Variants in STRBP observed in about 807,000 individuals in gnomAD.
The protein encoded by STRBP is spermatid perinuclear RNA binding protein.
A neutral mutation model predicts 80.1 loss-of-function variants in STRBP; 13 were observed. The ratio of observed to expected loss-of-function variants is 0.16; its 90% CI spans 0.11 to 0.26. STRBP has a LOEUF of 0.26. Ranked by LOEUF, STRBP falls within the 10% of genes least tolerant of loss-of-function variation. The pLI, the probability that STRBP is intolerant of heterozygous loss-of-function variation, is 1.00. For synonymous variants in STRBP, 284 were observed against 291.2 expected, an observed-to-expected ratio of 0.98 and a Z score of 0.25; for missense variants, 485 against 815.2, an observed-to-expected ratio of 0.59 and a Z score of 4.93.
At chr9:123,213,606 G>A (rs1428552543) in intron 2 of STRBP, 1 of 152,236 alleles carries the variant, frequency 6.6e-6, no homozygotes. Flanking sequence ...CAAGCAGCTA[G>A]TCTGCGACAG....
intron 13 of STRBP, among the ~76,000 whole-genome samples, chr9:123,146,282 T>A (rs554689916): frequency 8.6e-5 from 13 of 151,884 alleles, no homozygotes; most frequent in African/African-American, 3.1e-4. Context: ...TTATTCCCGA[T>A]GGAAATATTC....
intron 17 of STRBP, among the ~76,000 whole-genome samples, chr9:123,130,469 T>C (rs2036089297): frequency 1.3e-5 from 2 of 152,118 alleles, no homozygotes; most frequent in Admixed American, 1.3e-4. Context: ...GTTCCTTTCA[T>C]GATTACTGCC....
At chr9:123,266,842 T>G (rs1394144148) in intron 1 of STRBP, among the ~76,000 whole-genome samples, 1 of 151,860 alleles carries the variant, frequency 6.6e-6, no homozygotes, top group Non-Finnish European at 1.5e-5. Flanking sequence ...TACCCCAAAA[T>G]AGCCTGTCTA....
intron 2 of STRBP, among the ~76,000 whole-genome samples, chr9:123,223,188 C>G (rs1367614442): frequency 6.6e-6 from 1 of 151,890 alleles, no homozygotes; most frequent in African/African-American, 2.4e-5. Context: ...ATAAAAATAT[C>G]AATAGTTGCC....
chr9:123,224,065 C>CA (rs1204710514), intron 2 of STRBP, among the ~76,000 whole-genome samples: 4 of 152,080 alleles, frequency 2.6e-5, no homozygotes, highest in African/African-American at 9.7e-5. Flanking sequence ...CCGAGTTCCA[C>CA]AAAATTCAAA....
At chr9:123,200,570 CTT>C (rs1225601723) in intron 2 of STRBP, among the ~76,000 whole-genome samples, 5 of 134,472 alleles carry the variant, frequency 3.7e-5, no homozygotes, top group Non-Finnish European at 3.2e-5. Flanking sequence ...ATTTTTTTGT[CTT>C]TTTTTTTTTT....
At position 123,158,555 on chromosome 9, in the gene STRBP, A is replaced by T. The variant is rs2037390325; in HGVS notation, c.836-126T>A. On this transcript the variant is annotated intron_variant, in intron 9 of 18. Coordinates refer to ENST00000348403, the MANE Select transcript of STRBP (RefSeq NM_018387.5). The stretch of plus-strand genomic sequence containing the variant: ...AAAAAAAAACTGAGGAACTAAGTTA[A>T]AAGTCTGCTCAGTTAAGTGGAGTAA... The T allele has an allele frequency of 1.0e-5, 8 of 773,744 alleles. No homozygotes were observed. In the South Asian group the frequency reaches 1.4e-4, roughly 14 times the overall value. 47.9% of individuals were successfully genotyped at this position (773,744 alleles called of 1,614,324 possible). A position where few individuals can be genotyped will look rare whatever the true frequency, so the allele number is the denominator to read the frequency against.
intron 6 of STRBP, 31 bp downstream of exon 6, chr9:123,169,871 T>C (rs12380376): frequency 1.0e-6 from 1 of 978,246 alleles, no homozygotes; most frequent in Non-Finnish European, 1.3e-6. Context: ...AACAAATATA[T>C]ACATATATAT....
chr9:123,161,922 T>G, intron 6 of STRBP, among the ~76,000 whole-genome samples: 1 of 152,242 alleles, frequency 6.6e-6, no homozygotes, highest in East Asian at 1.9e-4. Flanking sequence ...TTTAAACTTT[T>G]GGGATTGGTA....
chr9:123,235,508 GA>G (rs200275946), intron 2 of STRBP, among the ~76,000 whole-genome samples: 33,077 of 76,950 alleles, frequency 0.43, 6,631 homozygotes, highest in East Asian at 0.72. Flanking sequence ...GCAACTTCAG[GA>G]AAAAAAAAAA....
At chr9:123,257,206 T>G (rs927484802) in intron 1 of STRBP, among the ~76,000 whole-genome samples, 5 of 152,128 alleles carry the variant, frequency 3.3e-5, no homozygotes, top group Non-Finnish European at 7.4e-5. Flanking sequence ...ATCTTGAGCA[T>G]TCTTATTTTG....
At chr9:123,201,198 A>AT (rs1057002645) in intron 2 of STRBP, among the ~76,000 whole-genome samples, 1 of 151,766 alleles carries the variant, frequency 6.6e-6, no homozygotes, top group East Asian at 1.9e-4. Flanking sequence ...GATCTTTTGT[A>AT]TTTTTTTGTG....
intron 1 of STRBP, among the ~76,000 whole-genome samples, chr9:123,267,949 C>T (rs1461180373): frequency 6.6e-6 from 1 of 150,942 alleles, no homozygotes; most frequent in East Asian, 2.0e-4. Context: ...TGCCTGAAGG[C>T]TCTCCTCCTC....
At position 123,111,309 on chromosome 9, in the gene STRBP, G is replaced by C. The variant is rs150861853; in HGVS notation, c.*85-1556C>G. On this transcript the variant is annotated intron_variant and NMD_transcript_variant, in intron 3 of 3. Coordinates refer to the STRBP transcript ENST00000471564. ...GAGATACCCAGAACAGAGGAAAGAG[G>C]CTGGAAACCTAAGACACGACTTGTA... 978 of 252,812 alleles carry C rather than the reference G, an allele frequency of 3.9e-3. 9 individuals carry two copies. Among genetic ancestry groups the C allele is most frequent in the African/African-American group, 0.022 (926 of 42,344 alleles). The allele number at this position is 252,812 out of a possible 1,614,324, so 15.7% of individuals were successfully genotyped here.
Position 123,123,664 on chromosome 9 carries a change from T to C in STRBP, c.*1933A>G. ...GCAGAGTCAGCTACTTCAAAAGAAT[T>C]TTCTAACGAGAAATATCTAGAGATT... On this transcript the variant is annotated 3_prime_UTR_variant, in exon 19 of 19. Coordinates refer to ENST00000348403, the MANE Select transcript of STRBP (RefSeq NM_018387.5). 2 of 985,394 alleles carry C rather than the reference T, an allele frequency of 2.0e-6. No individual in the cohort carries two copies. Among genetic ancestry groups the C allele is most frequent in the African/African-American group, 1.7e-5 (1 of 57,342 alleles). The allele number at this position is 985,394 out of a possible 1,614,324, so 61.0% of individuals were successfully genotyped here. A position where few individuals can be genotyped will look rare whatever the true frequency, so the allele number is the denominator to read the frequency against.
intron 11 of STRBP, 142 bp from the exon 12 acceptor site, chr9:123,148,012 C>A: frequency 6.0e-6 from 4 of 664,376 alleles, no homozygotes; most frequent in Non-Finnish European, 9.3e-6. Flanking sequence ...AGTTAAATTA[C>A]CATTATTTAT....
In STRBP at chr9:123,136,441, A is replaced by C; in HGVS notation, c.1572T>G (p.Gly524=). 1.2e-6 allele frequency: 2 copies of C among 1,613,598 alleles called. No individual in the cohort carries two copies. Among genetic ancestry groups the C allele is most frequent in the Non-Finnish European group, 1.7e-6 (2 of 1,179,880 alleles). The change falls in exon 15 of 19, where the codon GGT becomes GGG. Residue 524 remains glycine (G), a synonymous_variant. Coordinates refer to ENST00000348403, the MANE Select transcript of STRBP (RefSeq NM_018387.5). This position sits in a 1 kb window ranked among gnomAD's most constrained non-coding sequence, Gnocchi z 4.2. ...PVMELNEKRR[G]LKYELISETG... The stretch of plus-strand genomic sequence containing the variant: ...TCTCTGAGATGAGTTCATACTTGAG[A>C]CCTCTTCTTTTTTCATTGAGCTCCA...
At chr9:123,132,071 A>G (rs1389978230) in intron 17 of STRBP, among the ~76,000 whole-genome samples, 1 of 152,224 alleles carries the variant, frequency 6.6e-6, no homozygotes, top group Non-Finnish European at 1.5e-5. Flanking sequence ...TTAAAATGAC[A>G]TAAGAATTAG....
intron 3 of STRBP, chr9:123,114,486 A>G (rs958856314): frequency 1.2e-5 from 2 of 166,978 alleles, no homozygotes; most frequent in African/African-American, 4.8e-5. Context: ...ATGAACAACC[A>G]CCCGGTACCT....
Sources: gnomAD v4.1 joint callset for allele counts (sites outside exome capture counted in the v4.1 genomes callset) on GRCh38, gnomAD v4.1.1 for gene constraint, Gnocchi (gnomAD v3.1) non-coding constraint, MANE v1.5 for transcripts, NCBI Gene and HGNC (gene_info 2026-07-23, HGNC 2026-07-21) for gene names.